ATM: variants seen among roughly 807,000 people sequenced by gnomAD.
ATM encodes the protein ATM serine/threonine kinase, also known as serine-protein kinase ATM.
ATM carries 308 observed loss-of-function variants against 387.0 expected under a neutral mutation model. The observed-to-expected ratio is 0.80, with a 90% confidence interval of 0.73 to 0.87. The LOEUF (loss-of-function observed/expected upper bound fraction) is 0.87. ATM is among the 40% of genes least tolerant of loss of function. The pLI, the probability that ATM is intolerant of heterozygous loss-of-function variation, is 0.00. For synonymous variants in ATM, 1,156 were observed against 1,187.3 expected (o/e 0.97, Z 0.54); for missense variants, 3,312 against 3,560.9 (o/e 0.93, Z 1.78).
chr11:108,293,886 A>AG (rs1555100904), intron 31 of ATM, among the ~76,000 whole-genome samples: 5 of 103,502 alleles, frequency 4.8e-5, no homozygotes, highest in African/African-American at 1.3e-4. Flanking sequence ...TCAAAAAAAA[A>AG]AAAAAAAAAT....
chr11:108,238,379 T>C (rs1457792160), intron 5 of ATM, among the ~76,000 whole-genome samples: 7 of 152,268 alleles, frequency 4.6e-5, no homozygotes, highest in Middle Eastern at 3.4e-3. Flanking sequence ...CTCAAACTCC[T>C]GGGCTCAAGT....
At chr11:108,272,290 G>A (rs2081624028) in intron 20 of ATM, among the ~76,000 whole-genome samples, 1 of 152,086 alleles carries the variant, frequency 6.6e-6, no homozygotes, top group African/African-American at 2.4e-5. Flanking sequence ...TTCTATGGTA[G>A]CCCCCAAAAA....
At position 108,299,729 on chromosome 11, in the gene ATM, G is replaced by C. The variant is rs1555104518; in HGVS notation, c.5021G>C (p.Cys1674Ser). ...EKEVLEAVGS[C>S]LGEVGPIDFS... is the part of the protein sequence containing the mutation. Reference sequence around the variant, plus strand: ...CTATATGTAGAGGCTGTTGGAAGCTGCTTGGGAGAAGTGGGTCCTATAGAT... The same window carrying C: ...CTATATGTAGAGGCTGTTGGAAGCTCCTTGGGAGAAGTGGGTCCTATAGAT... Residue 1674 changes from cysteine to serine, a missense_variant, in exon 34 of 63, where the codon TGC becomes TCC. By Grantham distance (112) the Cys-to-Ser change is moderately radical (BLOSUM62 -1). Around this residue, in one of 4 missense-constraint regions of ATM, gnomAD observed 1,405 missense variants for 1,604.4 expected, o/e 0.88. Transcript: ENST00000675843. 1 of 1,613,814 alleles carries C rather than the reference G, an allele frequency of 6.2e-7. No individual in the cohort carries two copies. Among genetic ancestry groups the C allele is most frequent in the Non-Finnish European group, 8.5e-7 (1 of 1,179,872 alleles).
Position 108,289,762 on chromosome 11 carries a change from G to T in ATM, c.4397G>T (p.Arg1466Leu), listed in dbSNP as rs749770110. ...GLGGAWAFVL[R>L]DVIYTLIHYI... ...GGAGGAGCTTGGGCCTTTGTTCTTCGAGACGTTATTTATACTTTGATTCAC... is the reference window on the plus strand; with the variant it reads ...GGAGGAGCTTGGGCCTTTGTTCTTCTAGACGTTATTTATACTTTGATTCAC... The change falls in exon 29 of 63, where the codon CGA becomes CTA. Residue 1466 changes from arginine to leucine, a missense_variant. By Grantham distance (102) the Arg-to-Leu change is moderately radical. Around this residue, in one of 4 missense-constraint regions of ATM, gnomAD observed 1,791 missense variants for 1,804.5 expected, o/e 0.99. Transcript: ENST00000675843. 1.2e-6 allele frequency: 2 copies of T among 1,613,390 alleles called. No individual in the cohort carries two copies. The highest frequency in any genetic ancestry group is 1.7e-5 in the Admixed American group (1 of 60,002).
intron 57 of ATM, among the ~76,000 whole-genome samples, chr11:108,343,648 C>T (rs2087892757): frequency 6.6e-6 from 1 of 152,058 alleles, no homozygotes; most frequent in Non-Finnish European, 1.5e-5. Context: ...TAATTCTTAG[C>T]AAACAAAACA....
rs4988123 is a variant in ATM, at chr11:108,331,750, T to TGCAG, written c.7630-125_7630-122dup. 9.8e-3 allele frequency: 12,677 copies of TGCAG among 1,298,556 alleles called. 127 individuals are homozygous for TGCAG. The highest frequency in any genetic ancestry group is 0.012 in the Non-Finnish European group (11,579 of 933,488). 80.4% of individuals were successfully genotyped at this position (1,298,556 alleles called of 1,614,324 possible). A position where few individuals can be genotyped will look rare whatever the true frequency, so the allele number is the denominator to read the frequency against. ...TAGGCCTCTGCCTTTTTCTCACACA[T>TGCAG]GCAGGCATACACGCTCTACCCACTG... On this transcript the variant is annotated intron_variant, in intron 51 of 62. Coordinates refer to ENST00000675843, the MANE Select transcript of ATM (RefSeq NM_000051.4).
rs2080693412 is a variant in ATM, at chr11:108,258,993, C to G, written c.2384C>G (p.Pro795Arg). The G allele has an allele frequency of 6.2e-7, 1 of 1,612,922 alleles. No individual in the cohort carries two copies. The highest frequency in any genetic ancestry group is 1.3e-5 in the African/African-American group (1 of 74,838). ...TGTTTGTCTTAATTGCAGAAGAGTC[C>G]AAATAAGATTGCATCTGGCTTTTTC... is the stretch of plus-strand genomic sequence containing the variant. ...RCLSNCTKKS[P>R]NKIASGFFLR... Residue 795 changes from proline (P) to arginine (R), a missense_variant, in exon 16 of 63, where the codon CCA (proline) becomes CGA (arginine). By Grantham distance (103) the Pro-to-Arg change is moderately radical (BLOSUM62 -2). This residue lies in a region of ATM where 1,791 missense variants were observed against 1,804.5 expected (regional missense o/e 0.99). Transcript: ENST00000675843.
chr11:108,354,670 A>C, intron 60 of ATM, 141 bp from the exon 61 acceptor site: 1 of 790,576 alleles, frequency 1.3e-6, no homozygotes, highest in Admixed American at 1.9e-5. Flanking sequence ...CACTCTGCCA[A>C]GTATTATGCT....
intron 7 of ATM, 144 bp from the exon 8 acceptor site, chr11:108,246,820 A>G (rs1027782527): frequency 4.9e-6 from 3 of 612,304 alleles, no homozygotes; most frequent in Non-Finnish European, 8.8e-6. Flanking sequence ...GGATCTTGTC[A>G]GAAGAGGCAT....
intron 12 of ATM, among the ~76,000 whole-genome samples, chr11:108,253,415 C>T (rs1028303080): frequency 1.3e-5 from 2 of 152,042 alleles, no homozygotes; most frequent in South Asian, 2.1e-4. Context: ...CAAAAGGATG[C>T]GTAACTGCTT....
rs2137077518 is a variant in ATM, at chr11:108,347,272, T to C, written c.8585-7T>C. On this transcript the variant is annotated splice_region_variant and splice_polypyrimidine_tract_variant and intron_variant, in intron 58 of 62. Transcript: ENST00000675843. ...GATTTCAGATTGTTTGTTTCTTTTT[T>C]CTCCAGTTGGTTACATACTTGGACT... The C allele has an allele frequency of 6.3e-7, 1 of 1,592,370 alleles. No individual in the cohort carries two copies. Among genetic ancestry groups the C allele is most frequent in the Non-Finnish European group, 8.6e-7 (1 of 1,160,442 alleles).
Position 108,251,984 on chromosome 11 carries a change from A to G in ATM, c.1755A>G (p.Leu585=). The stretch of plus-strand genomic sequence containing the variant: ...TGAAATGGCTCTTATTCTATCAGTT[A>G]GAGGGTGACTTAGAAAATAGCACAG... The part of the protein sequence containing the change: ...SIMKWLLFYQ[L]EGDLENSTEV... Residue 585 remains leucine (L), a synonymous_variant, in exon 11 of 63, where the codon TTA becomes TTG. Coordinates refer to ENST00000675843, the MANE Select transcript of ATM (RefSeq NM_000051.4). The G allele has an allele frequency of 6.2e-7, 1 of 1,613,622 alleles. No individual in the cohort carries two copies. Among genetic ancestry groups the G allele is most frequent in the Non-Finnish European group, 8.5e-7 (1 of 1,179,748 alleles).
chr11:108,344,081 A>T (rs1004616564), intron 57 of ATM, among the ~76,000 whole-genome samples: 8 of 152,180 alleles, frequency 5.3e-5, no homozygotes, highest in African/African-American at 1.9e-4. Context: ...CAAGGATTTG[A>T]GCCTTGTCTA....
At chr11:108,296,512 A>G (rs1399050539) in intron 32 of ATM, among the ~76,000 whole-genome samples, 1 of 152,150 alleles carries the variant, frequency 6.6e-6, no homozygotes, top group Non-Finnish European at 1.5e-5. Context: ...TCGGCCTCCC[A>G]AAGTGCTGGG....
At position 108,293,343 on chromosome 11, in the gene ATM, G is replaced by T. The variant is rs1382316658; in HGVS notation, c.4642G>T (p.Asp1548Tyr). The change falls in exon 31 of 63, where the codon GAT becomes TAT. Residue 1548 changes from aspartate to tyrosine, a missense_variant. By Grantham distance (160) the Asp-to-Tyr change is radical. This residue lies in a region of ATM where 1,791 missense variants were observed against 1,804.5 expected (regional missense o/e 0.99). Transcript: ENST00000675843. ...GGACTTGTTGAAATACTTAGTGATA[G>T]ATAACAAGGATAATGAAAACCTCTA... ...VLDLLKYLVI[D>Y]NKDNENLYIT... is the part of the protein sequence containing the mutation. 1 of 1,573,354 alleles carries T rather than the reference G, an allele frequency of 6.4e-7. No homozygotes were observed.
rs1363005755 is a variant in ATM, at chr11:108,307,809, A to G, written c.5675-88A>G. On this transcript the variant is annotated intron_variant, in intron 37 of 62. Coordinates refer to ENST00000675843, the MANE Select transcript of ATM (RefSeq NM_000051.4). Reference sequence around the variant, plus strand: ...GTACTGCCCACCAGAACCTTATAGCATAGTGGGAGACAGACACATAAACAA... The same window carrying G: ...GTACTGCCCACCAGAACCTTATAGCGTAGTGGGAGACAGACACATAAACAA... The G allele has an allele frequency of 5.9e-6, 7 of 1,190,362 alleles. No homozygotes were observed. The African/African-American group carries it at 1.1e-4, about 18-fold the overall frequency. 73.7% of individuals were successfully genotyped at this position (1,190,362 alleles called of 1,614,324 possible).
intron 4 of ATM, among the ~76,000 whole-genome samples, chr11:108,233,652 A>ACC (rs2079128719): frequency 6.6e-6 from 1 of 151,844 alleles, no homozygotes; most frequent in Non-Finnish European, 1.5e-5. Context: ...TTTGAGACCA[A>ACC]CCTGGGCAAC....
chr11:108,329,245 A>C lies in ATM; in HGVS notation c.7307+7A>C. Reference sequence around the variant, plus strand: ...ATAAAATTCAGACAAACAGGTAACTAGGTTTCTACAAGTGACAATTTTATG... The same window carrying C: ...ATAAAATTCAGACAAACAGGTAACTCGGTTTCTACAAGTGACAATTTTATG... On this transcript the variant is annotated splice_region_variant and intron_variant, in intron 49 of 62. Transcript: ENST00000675843. 2 of 1,606,156 alleles carry C rather than the reference A, an allele frequency of 1.2e-6. No individual in the cohort carries two copies. Among genetic ancestry groups the C allele is most frequent in the South Asian group, 2.2e-5 (2 of 90,652 alleles).
intron 56 of ATM, among the ~76,000 whole-genome samples, chr11:108,342,175 G>C (rs185155205): frequency 6.6e-6 from 1 of 152,092 alleles, no homozygotes; most frequent in Non-Finnish European, 1.5e-5. Flanking sequence ...TTCCAGTGTG[G>C]CCCAGGGAAT....
Sources: allele counts gnomAD v4.1 joint callset (sites outside exome capture counted in the v4.1 genomes callset), GRCh38; gene constraint gnomAD v4.1.1; regional missense constraint gnomAD v4.1.1; transcripts MANE v1.5; gene names NCBI Gene and HGNC (gene_info 2026-07-23, HGNC 2026-07-21).